The following LRBA variants were observed in gnomAD, a reference collection of about 807,000 sequenced individuals.
LRBA encodes LPS responsive beige-like anchor protein.
LRBA carries 176 observed loss-of-function variants against 330.0 expected under a neutral mutation model. The observed-to-expected ratio is 0.53, with a 90% CI of 0.47 to 0.60. The LOEUF (loss-of-function observed/expected upper bound fraction) is 0.60, where lower values mean the gene tolerates loss of function less well. Ranked by LOEUF, LRBA falls within the 20% of genes least tolerant of loss-of-function variation. The probability of loss-of-function intolerance (pLI) is 0.00; values close to 1 mark genes in which losing one functional copy is unlikely to be tolerated. For synonymous variants in LRBA, 1,230 were observed against 1,193.0 expected, an observed-to-expected ratio of 1.03 and a Z score of -0.64; for missense variants, 3,259 against 3,444.8, an observed-to-expected ratio of 0.95 and a Z score of 1.35.
intron 40 of LRBA, among the ~76,000 whole-genome samples, chr4:150,513,458 G>A: frequency 6.6e-6 from 1 of 152,158 alleles, no homozygotes. Context: ...AACTCACTGG[G>A]AACACAGCAT....
At chr4:150,954,792 A>G (rs576180942) in intron 2 of LRBA, among the ~76,000 whole-genome samples, 7 of 144,046 alleles carry the variant, frequency 4.9e-5, no homozygotes, top group Admixed American at 3.4e-4. Context: ...AAAAATTAAA[A>G]AAAAAAGAAC....
chr4:150,791,299 T>C (rs1314293232), intron 34 of LRBA, among the ~76,000 whole-genome samples: 2 of 152,160 alleles, frequency 1.3e-5, no homozygotes, highest in African/African-American at 2.4e-5. Context: ...ATTTGCTGTA[T>C]TGAAAAAGTC....
At chr4:150,400,436 TTTTAA>T (rs1745311294) in intron 47 of LRBA, among the ~76,000 whole-genome samples, 1 of 152,200 alleles carries the variant, frequency 6.6e-6, no homozygotes, top group Non-Finnish European at 1.5e-5. Context: ...GTCGTTTTAC[TTTTAA>T]AACGAATTTG....
At chr4:150,733,692 C>T (rs2127136339) in intron 36 of LRBA, among the ~76,000 whole-genome samples, 1 of 152,038 alleles carries the variant, frequency 6.6e-6, no homozygotes, top group Middle Eastern at 3.4e-3. Flanking sequence ...TTCCAAAGAG[C>T]ATGTGTACTT....
intron 40 of LRBA, among the ~76,000 whole-genome samples, chr4:150,545,863 T>G (rs1333349495): frequency 1.3e-5 from 2 of 152,158 alleles, no homozygotes; most frequent in African/African-American, 2.4e-5. Context: ...GATTTTTGAG[T>G]GTTAAAAAAC....
chr4:150,984,491 A>G (rs2149611282), intron 2 of LRBA, among the ~76,000 whole-genome samples: 1 of 152,300 alleles, frequency 6.6e-6, no homozygotes, highest in African/African-American at 2.4e-5. Flanking sequence ...CCTGGGCAAC[A>G]AGAGCGAAAG....
At chr4:150,856,390 T>A (rs1376173708) in intron 22 of LRBA, among the ~76,000 whole-genome samples, 2 of 152,312 alleles carry the variant, frequency 1.3e-5, no homozygotes, top group East Asian at 1.9e-4. Flanking sequence ...TTGTTTCTTA[T>A]ATTTCATTTC....
At chr4:150,907,979 A>G (rs1358430850) in intron 11 of LRBA, among the ~76,000 whole-genome samples, 1 of 152,158 alleles carries the variant, frequency 6.6e-6, no homozygotes, top group Non-Finnish European at 1.5e-5. Context: ...TTACCAAATA[A>G]TTTTAAATAT....
intron 2 of LRBA, among the ~76,000 whole-genome samples, chr4:150,979,201 G>A (rs1740562381): frequency 6.6e-6 from 1 of 152,216 alleles, no homozygotes; most frequent in Admixed American, 6.5e-5. Flanking sequence ...TGACTTTTCA[G>A]TGGAAACCTT....
chr4:150,553,119 A>G (rs529363507), intron 40 of LRBA, among the ~76,000 whole-genome samples: 17 of 152,188 alleles, frequency 1.1e-4, no homozygotes, highest in African/African-American at 3.9e-4. Flanking sequence ...CATATACACT[A>G]TGGAATATTA....
chr4:150,286,109 A>C, intron 53 of LRBA, 75 bp from the exon 54 acceptor site: 1 of 979,634 alleles, frequency 1.0e-6, no homozygotes, highest in Non-Finnish European at 1.5e-6. Flanking sequence ...ACTTGCTCCT[A>C]ATTTCCATCA....
At chr4:150,641,251 G>A (rs527640681) in intron 37 of LRBA, among the ~76,000 whole-genome samples, 2 of 152,172 alleles carry the variant, frequency 1.3e-5, no homozygotes, top group African/African-American at 4.8e-5. Context: ...TCCTCAAAAT[G>A]TAATAAGAAA....
intron 37 of LRBA, among the ~76,000 whole-genome samples, chr4:150,645,727 T>C (rs1779064693): frequency 6.6e-6 from 1 of 151,978 alleles, no homozygotes; most frequent in South Asian, 2.1e-4. Flanking sequence ...CCCATGTCCA[T>C]AGATGGACAT....
intron 48 of LRBA, among the ~76,000 whole-genome samples, chr4:150,332,223 T>C (rs1734088924): frequency 6.6e-6 from 1 of 152,122 alleles, no homozygotes; most frequent in Non-Finnish European, 1.5e-5. Context: ...ATAATCAACA[T>C]CATATTGCCT....
chr4:150,531,437 A>T (rs1035675706), intron 40 of LRBA, among the ~76,000 whole-genome samples: 1 of 152,022 alleles, frequency 6.6e-6, no homozygotes, highest in African/African-American at 2.4e-5. Flanking sequence ...CTTCATTCAG[A>T]TCTCTTTTAT....
chr4:150,752,866 G>A (rs1366291509), intron 35 of LRBA, among the ~76,000 whole-genome samples: 1 of 152,080 alleles, frequency 6.6e-6, no homozygotes, highest in East Asian at 1.9e-4. Context: ...TAATTTCTTA[G>A]GACTATGAAA....
chr4:150,308,142 A>C (rs755198531), intron 52 of LRBA, among the ~76,000 whole-genome samples: 99 of 152,356 alleles, frequency 6.5e-4, no homozygotes, highest in Non-Finnish European at 1.3e-3. Flanking sequence ...CAATTCCTAC[A>C]ACATTAAATA....
Position 150,590,710 on chromosome 4 carries a change from T to C in LRBA, c.6193+3A>G. 1 of 1,613,004 alleles carries C rather than the reference T, an allele frequency of 6.2e-7. No homozygotes were observed. Among genetic ancestry groups the C allele is most frequent in the South Asian group, 1.1e-5 (1 of 90,764 alleles). On this transcript the variant is annotated splice_donor_region_variant and intron_variant, in intron 39 of 56. Transcript: ENST00000651943. ...GAAATATCTGCACAACCACCAAATT[T>C]ACCGGCAAGATTCTCTAAATCTTTC...
At chr4:150,299,927 A>G (rs1269104450) in intron 53 of LRBA, among the ~76,000 whole-genome samples, 1 of 152,106 alleles carries the variant, frequency 6.6e-6, no homozygotes, top group Non-Finnish European at 1.5e-5. Flanking sequence ...TCTAAGAGGT[A>G]CAATATAGGA....
Sources: gnomAD v4.1 joint callset for allele counts (sites outside exome capture counted in the v4.1 genomes callset) on GRCh38, gnomAD v4.1.1 for gene constraint, MANE v1.5 for transcripts, NCBI Gene and HGNC (gene_info 2026-07-23, HGNC 2026-07-21) for gene names.